DGCR2: variants seen among roughly 807,000 people sequenced by gnomAD.
DGCR2 encodes integral membrane protein DGCR2/IDD.
Under a neutral mutation model 51.6 loss-of-function variants are expected in DGCR2, and 24 were observed. The observed-to-expected ratio is 0.47, with a 90% CI of 0.34 to 0.65. The LOEUF (loss-of-function observed/expected upper bound fraction) is 0.65, where lower values mean the gene tolerates loss of function less well. Ranked by LOEUF, DGCR2 falls within the 30% of genes least tolerant of loss-of-function variation. The pLI is 0.01. For synonymous variants in DGCR2, 340 were observed against 315.4 expected (o/e 1.08, Z -0.82); for missense variants, 765 against 772.1 (o/e 0.99, Z 0.11).
At chr22:19,122,028 C>T (rs2083439320) in intron 1 of DGCR2, 100 bp downstream of exon 1, 2 of 823,200 alleles carry the variant, frequency 2.4e-6, no homozygotes, top group Non-Finnish European at 3.2e-6. Context: ...GCCCCAGGCG[C>T]GGCCCCTGCA....
chr22:19,063,085 C>T, intron 5 of DGCR2, 117 bp downstream of exon 5: 3 of 608,756 alleles, frequency 4.9e-6, no homozygotes, highest in Non-Finnish European at 7.6e-6. Flanking sequence ...GGCTCACCCA[C>T]TCCCTGCACA....
At chr22:19,098,801 C>G (rs561983638) in intron 1 of DGCR2, among the ~76,000 whole-genome samples, 1 of 152,046 alleles carries the variant, frequency 6.6e-6, no homozygotes, top group Admixed American at 6.6e-5. Flanking sequence ...GCTATGTTGC[C>G]CAGGCTGGTC....
intron 2 of DGCR2, among the ~76,000 whole-genome samples, chr22:19,074,271 C>A (rs945304014): frequency 2.6e-5 from 4 of 151,928 alleles, no homozygotes; most frequent in African/African-American, 9.7e-5. Flanking sequence ...CTAAAAAATA[C>A]AAAAATTAGC....
chr22:19,071,239 A>G (rs5993496), intron 2 of DGCR2, among the ~76,000 whole-genome samples: 20,043 of 152,244 alleles, frequency 0.13, 2,152 homozygotes, highest in African/African-American at 0.29. Context: ...GCACCACTAG[A>G]GTGCCACGCT....
At chr22:19,056,446 C>G (rs988663050) in intron 6 of DGCR2, 3 of 541,242 alleles carry the variant, frequency 5.5e-6, no homozygotes, top group African/African-American at 2.1e-5. Context: ...GAGCCAGCGC[C>G]ATCCTGCGAA....
chr22:19,062,979 G>C (rs2082700244), intron 5 of DGCR2, among the ~76,000 whole-genome samples: 1 of 152,188 alleles, frequency 6.6e-6, no homozygotes, highest in Non-Finnish European at 1.5e-5. Context: ...GCCAAAGTGA[G>C]ATGCAACAGA....
chr22:19,065,285 C>T (rs2082735910), intron 3 of DGCR2: 2 of 565,172 alleles, frequency 3.5e-6, no homozygotes, highest in African/African-American at 3.7e-5. Flanking sequence ...TTCGGTGACT[C>T]TTCCCATTTC....
chr22:19,090,223 A>C (rs553047986), intron 1 of DGCR2, among the ~76,000 whole-genome samples: 2 of 152,348 alleles, frequency 1.3e-5, no homozygotes, highest in South Asian at 2.1e-4. Flanking sequence ...GCTGTGGAAC[A>C]ACCTCACACA....
chr22:19,069,212 G>A (rs1044166932), intron 2 of DGCR2, among the ~76,000 whole-genome samples: 2 of 152,224 alleles, frequency 1.3e-5, no homozygotes. Context: ...ATGGCGAGTG[G>A]GGCCTCGGCT....
chr22:19,076,723 C>CT (rs1228247995), intron 2 of DGCR2, among the ~76,000 whole-genome samples: 14 of 118,752 alleles, frequency 1.2e-4, no homozygotes, highest in African/African-American at 3.8e-4. Context: ...GTCCTTTGCA[C>CT]ATTTTTTTTT....
Position 19,065,338 on chromosome 22 carries a change from G to T in DGCR2, c.329-271C>A, listed in dbSNP as rs192630923. ...TATTCACTAGTCAAGAACGGCTGCT[G>T]AATTAAGTCTTGTAAAGTGGATTTC... On this transcript the variant is annotated intron_variant, in intron 3 of 9. Transcript: ENST00000263196. The T allele has an allele frequency of 4.3e-4, 208 of 480,772 alleles. 1 individual carries two copies. In the East Asian group the frequency reaches 7.5e-3, roughly 17 times the overall value. The allele number at this position is 480,772 out of a possible 1,614,324, so 29.8% of individuals were successfully genotyped here. A position where few individuals can be genotyped will look rare whatever the true frequency, so the allele number is the denominator to read the frequency against.
chr22:19,040,982 G>T, intron 9 of DGCR2, 76 bp downstream of exon 9: 1 of 1,323,554 alleles, frequency 7.6e-7, no homozygotes, highest in East Asian at 2.3e-5. Context: ...CTCTGCAGCT[G>T]GGCAAGAGTG....
rs148995722 is a variant in DGCR2, at chr22:19,038,900, G to A, written c.1618C>T (p.Arg540Cys). 1.7e-4 allele frequency: 270 copies of A among 1,612,834 alleles called. 1 individual carries two copies. In the African/African-American group the frequency reaches 2.8e-3, roughly 16 times the overall value. Residue 540 changes from arginine to cysteine, a missense_variant, in exon 10 of 10, where the codon CGC (arginine) becomes TGC (cysteine). Arg to Cys is a radical substitution (Grantham distance 180). Transcript: ENST00000263196. ...GTATTGAGGGAGCTGCGGCTGTGGC[G>A]GCCACCCCCTGGCAGTGCCTCTGCA... ...PAAEALPGGG[R>C]HSRSSLNTVV
chr22:19,062,775 G>GCACATGCATGCTCTCTCTCTCTCCTCTCT (rs1555903875), intron 5 of DGCR2, among the ~76,000 whole-genome samples: 3 of 108,860 alleles, frequency 2.8e-5, no homozygotes, highest in Non-Finnish European at 1.9e-5. Flanking sequence ...ACACATGCAT[G>GCACATGCATGCTCTCTCTCTCTCCTCTCT]CTCACTCTCT....
intron 2 of DGCR2, among the ~76,000 whole-genome samples, chr22:19,086,176 A>C (rs1271642850): frequency 1.1e-4 from 16 of 152,262 alleles, no homozygotes; most frequent in African/African-American, 3.9e-4. Flanking sequence ...CTTTAAGAAC[A>C]ATTAGAAATC....
chr22:19,081,812 A>G (rs2082939390), intron 2 of DGCR2, among the ~76,000 whole-genome samples: 2 of 152,244 alleles, frequency 1.3e-5, no homozygotes, highest in South Asian at 4.1e-4. Context: ...CTTCTCCAAC[A>G]TTTTAATTTT....
At chr22:19,056,850 A>C in intron 6 of DGCR2, 136 bp downstream of exon 6, 1 of 969,274 alleles carries the variant, frequency 1.0e-6, no homozygotes, top group African/African-American at 1.7e-5. Flanking sequence ...CCCCAAGAAC[A>C]AGGTGTGAGC....
chr22:19,113,506 T>C (rs931667515), intron 1 of DGCR2, among the ~76,000 whole-genome samples: 3 of 151,930 alleles, frequency 2.0e-5, no homozygotes, highest in African/African-American at 7.3e-5. Context: ...AATAAACACA[T>C]CTACCACCAA....
intron 5 of DGCR2, among the ~76,000 whole-genome samples, chr22:19,062,779 A>ACT (rs11471797): frequency 0.29 from 36,397 of 127,398 alleles, 5,702 homozygotes; most frequent in East Asian, 0.43. Context: ...ATGCATGCTC[A>ACT]CTCTCTCTCT....
Sources: allele counts gnomAD v4.1 joint callset (sites outside exome capture counted in the v4.1 genomes callset), GRCh38; gene constraint gnomAD v4.1.1; transcripts MANE v1.5; gene names NCBI Gene and HGNC (gene_info 2026-07-23, HGNC 2026-07-21).